Variants in ABLIM1 observed in about 807,000 individuals in gnomAD.
ABLIM1 encodes actin binding LIM protein 1.
Under a neutral mutation model 107.0 loss-of-function variants are expected in ABLIM1, and 40 were observed. The observed-to-expected ratio is 0.37, with a 90% CI of 0.29 to 0.49. The LOEUF is 0.49. ABLIM1 is among the 20% of genes least tolerant of loss of function. ABLIM1 has a pLI of 0.97. For missense variants in ABLIM1, 857 were observed against 1,008.5 expected (o/e 0.85, Z 2.04); for synonymous variants, 357 against 357.3 (o/e 1.00, Z 0.01).
chr10:114,583,372 A>C (rs2073659415), intron 2 of ABLIM1, among the ~76,000 whole-genome samples: 1 of 144,772 alleles, frequency 6.9e-6, no homozygotes. Context: ...ACAAACAAAA[A>C]AACAGATGCT....
intron 6 of ABLIM1, among the ~76,000 whole-genome samples, chr10:114,517,534 G>T (rs1166778959): frequency 6.6e-6 from 1 of 152,106 alleles, no homozygotes; most frequent in African/African-American, 2.4e-5. Context: ...TCATGTTTGA[G>T]CTGCCAAGTT....
At chr10:114,517,969 C>T (rs919122367) in intron 6 of ABLIM1, among the ~76,000 whole-genome samples, 2 of 146,654 alleles carry the variant, frequency 1.4e-5, no homozygotes, top group African/African-American at 2.5e-5. Context: ...TACACACATA[C>T]TTTTTTTTTT....
At chr10:114,650,496 G>A (rs17092188) in intron 1 of ABLIM1, among the ~76,000 whole-genome samples, 11,973 of 152,160 alleles carry the variant, frequency 0.079, 552 homozygotes, top group African/African-American at 0.12. Flanking sequence ...ACTCAAGGAA[G>A]TAATTTACAT....
intron 1 of ABLIM1, among the ~76,000 whole-genome samples, chr10:114,712,002 A>G (rs2081559340): frequency 6.6e-6 from 1 of 152,102 alleles, no homozygotes; most frequent in African/African-American, 2.4e-5. Flanking sequence ...TGTGGAAAAT[A>G]TTCAGCATAT....
intron 12 of ABLIM1, among the ~76,000 whole-genome samples, chr10:114,453,886 C>G (rs543671411): frequency 6.6e-6 from 1 of 152,292 alleles, no homozygotes; most frequent in Non-Finnish European, 1.5e-5. Flanking sequence ...AACCCAAATA[C>G]AAATCACTCT....
intron 1 of ABLIM1, among the ~76,000 whole-genome samples, chr10:114,767,080 T>C (rs73357617): frequency 0.018 from 2,672 of 152,112 alleles, 74 homozygotes; most frequent in African/African-American, 0.062. Context: ...GAGATTACTC[T>C]ATTCATTATA....
At chr10:114,564,261 G>A (rs930722271) in intron 4 of ABLIM1, among the ~76,000 whole-genome samples, 1 of 151,354 alleles carries the variant, frequency 6.6e-6, no homozygotes, top group African/African-American at 2.4e-5. Context: ...TTCCTCCTGC[G>A]TGGGTTTTTT....
intron 1 of ABLIM1, among the ~76,000 whole-genome samples, chr10:114,605,099 T>A (rs2076318053): frequency 6.6e-6 from 1 of 152,190 alleles, no homozygotes; most frequent in African/African-American, 2.4e-5. Flanking sequence ...AGCCTAGGCA[T>A]CTCAGAACAA....
chr10:114,667,831 T>C (rs1432575897), intron 1 of ABLIM1, among the ~76,000 whole-genome samples: 3 of 152,220 alleles, frequency 2.0e-5, no homozygotes, highest in Non-Finnish European at 2.9e-5. Flanking sequence ...TATTCCCCCA[T>C]TGAGTTTTAC....
At chr10:114,518,180 G>A (rs2063190664) in intron 6 of ABLIM1, among the ~76,000 whole-genome samples, 1 of 152,100 alleles carries the variant, frequency 6.6e-6, no homozygotes, top group African/African-American at 2.4e-5. Flanking sequence ...AGAAACAGGA[G>A]CAAAGCAAGA....
intron 12 of ABLIM1, among the ~76,000 whole-genome samples, chr10:114,464,127 T>C (rs1030345299): frequency 2.2e-4 from 33 of 151,670 alleles, no homozygotes; most frequent in Admixed American, 2.2e-3. Context: ...GGCAACTCCA[T>C]GGCTGGGGTC....
At chr10:114,490,708 G>A (rs2058789756) in intron 7 of ABLIM1, among the ~76,000 whole-genome samples, 1 of 151,348 alleles carries the variant, frequency 6.6e-6, no homozygotes, top group Non-Finnish European at 1.5e-5. Context: ...AGAAGTTCCA[G>A]AATTTCAGAG....
chr10:114,601,985 C>G, intron 1 of ABLIM1, 24 bp from the exon 2 acceptor site: 1 of 1,613,428 alleles, frequency 6.2e-7, no homozygotes, highest in Non-Finnish European at 8.5e-7. Context: ...AACAAAAGAT[C>G]CAGGTGAGTA....
chr10:114,711,585 G>A (rs558182351), intron 1 of ABLIM1, among the ~76,000 whole-genome samples: 6 of 152,260 alleles, frequency 3.9e-5, no homozygotes, highest in African/African-American at 1.4e-4. Context: ...TTAACAAAGG[G>A]GATATTTACA....
chr10:114,505,824 T>C (rs2061049204), intron 6 of ABLIM1, among the ~76,000 whole-genome samples: 1 of 152,198 alleles, frequency 6.6e-6, no homozygotes, highest in Admixed American at 6.5e-5. Context: ...CTGCTCTTAT[T>C]TCCTTCCTCA....
intron 2 of ABLIM1, among the ~76,000 whole-genome samples, chr10:114,591,682 G>A (rs967924125): frequency 4.6e-5 from 7 of 152,098 alleles, no homozygotes; most frequent in Non-Finnish European, 8.8e-5. Context: ...AAGTCTTAGC[G>A]ACCTGGATTT....
At chr10:114,650,088 C>T (rs372519584) in intron 1 of ABLIM1, among the ~76,000 whole-genome samples, 2 of 152,176 alleles carry the variant, frequency 1.3e-5, no homozygotes, top group African/African-American at 2.4e-5. Flanking sequence ...ACCTCCTGAC[C>T]TCGTGATTCA....
upstream of ABLIM1, among the ~76,000 whole-genome samples, chr10:114,772,629 C>T (rs1303012462): frequency 6.6e-6 from 1 of 151,998 alleles, no homozygotes; most frequent in Non-Finnish European, 1.5e-5. Flanking sequence ...AAACCTTCAT[C>T]AGTGTAGACC....
intron 12 of ABLIM1, among the ~76,000 whole-genome samples, chr10:114,459,264 A>AAACC (rs2063403585): frequency 6.6e-6 from 1 of 152,226 alleles, no homozygotes; most frequent in Admixed American, 6.5e-5. Flanking sequence ...ACAAACAAAC[A>AAACC]AACAAACAAA....
Sources: allele counts gnomAD v4.1 joint callset (sites outside exome capture counted in the v4.1 genomes callset), GRCh38; gene constraint gnomAD v4.1.1; transcripts MANE v1.5; gene names NCBI Gene and HGNC (gene_info 2026-07-23, HGNC 2026-07-21).